PAWR: variants seen among roughly 807,000 people sequenced by gnomAD.
The protein encoded by PAWR is pro-apoptotic WT1 regulator, also known as PRKC apoptosis WT1 regulator protein.
In PAWR, 23 loss-of-function variants were observed where a neutral mutation model predicts 32.0. The ratio of observed to expected loss-of-function variants is 0.72; its 90% confidence interval spans 0.52 to 1.02. The LOEUF is 1.02. Among genes scored for constraint, PAWR ranks in the 50% least tolerant of loss-of-function variants. The pLI is 0.00. For synonymous variants in PAWR, 226 were observed against 187.1 expected (o/e 1.21, Z -1.70); for missense variants, 457 against 437.7 (o/e 1.04, Z -0.39).
At chr12:79,595,790 T>G (rs1438110662) in intron 5 of PAWR, among the ~76,000 whole-genome samples, 1 of 152,084 alleles carries the variant, frequency 6.6e-6, no homozygotes, top group African/African-American at 2.4e-5. Flanking sequence ...AAGTGGAGGT[T>G]GCAGTGAGCC....
At chr12:79,608,520 T>C in intron 4 of PAWR, among the ~76,000 whole-genome samples, 1 of 152,190 alleles carries the variant, frequency 6.6e-6, no homozygotes, top group Non-Finnish European at 1.5e-5. Flanking sequence ...CTGTGTGGAC[T>C]GGCTCCTAAC....
chr12:79,658,951 G>A (rs1474633068), intron 2 of PAWR, among the ~76,000 whole-genome samples: 2 of 148,982 alleles, frequency 1.3e-5, no homozygotes, highest in Non-Finnish European at 3.0e-5. Context: ...ATGAGCCACT[G>A]CTCCTGGCCT....
At chr12:79,668,094 G>C (rs1383965281) in intron 2 of PAWR, 9 of 152,006 alleles carry the variant, frequency 5.9e-5, no homozygotes, top group African/African-American at 2.2e-4. Flanking sequence ...GTAGAGACAG[G>C]GTTTCTCCAT....
chr12:79,679,732 A>G (rs774525571), intron 2 of PAWR, among the ~76,000 whole-genome samples: 17 of 152,240 alleles, frequency 1.1e-4, no homozygotes, highest in Non-Finnish European at 2.4e-4. Flanking sequence ...GTTTTGAGGT[A>G]AAAGCTTTCT....
At chr12:79,636,468 T>C (rs940661227) in intron 2 of PAWR, among the ~76,000 whole-genome samples, 1 of 152,110 alleles carries the variant, frequency 6.6e-6, no homozygotes, top group Admixed American at 6.5e-5. Context: ...TCTAAAACTA[T>C]GCATACTAAC....
chr12:79,686,867 A>C (rs1053283016), intron 2 of PAWR, among the ~76,000 whole-genome samples: 3 of 152,120 alleles, frequency 2.0e-5, no homozygotes, highest in African/African-American at 7.2e-5. Flanking sequence ...TCAGTACTTA[A>C]ATTTTTTCAT....
chr12:79,641,576 C>T (rs528843138), intron 2 of PAWR, among the ~76,000 whole-genome samples: 1 of 152,054 alleles, frequency 6.6e-6, no homozygotes, highest in East Asian at 1.9e-4. Context: ...TGGCCAGGCG[C>T]GGTGGCTCAC....
intron 2 of PAWR, among the ~76,000 whole-genome samples, chr12:79,665,003 T>A (rs746619194): frequency 2.6e-5 from 4 of 152,136 alleles, no homozygotes; most frequent in African/African-American, 7.2e-5. Flanking sequence ...TTTCCAAAAG[T>A]CAACAATAGT....
At chr12:79,622,126 C>CA (rs1050561676) in intron 2 of PAWR, among the ~76,000 whole-genome samples, 184 of 136,932 alleles carry the variant, frequency 1.3e-3, no homozygotes, top group Admixed American at 3.1e-3. Context: ...AGGAATTGGA[C>CA]AAAAAAAAAA....
intron 2 of PAWR, among the ~76,000 whole-genome samples, chr12:79,650,919 T>A (rs1368856374): frequency 1.3e-5 from 2 of 152,206 alleles, no homozygotes; most frequent in African/African-American, 4.8e-5. Context: ...ATATTTCAAA[T>A]GTTCAATTTG....
intron 2 of PAWR, among the ~76,000 whole-genome samples, chr12:79,663,601 A>T (rs111489243): frequency 0.013 from 1,918 of 152,276 alleles, 48 homozygotes; most frequent in African/African-American, 0.043. Flanking sequence ...CTACTAAAAA[A>T]TACAAAAAAT....
intron 2 of PAWR, among the ~76,000 whole-genome samples, chr12:79,633,067 C>T (rs968259614): frequency 6.6e-6 from 1 of 151,842 alleles, no homozygotes; most frequent in South Asian, 2.1e-4. Context: ...GGAGGTTGCA[C>T]TGAGCTGAGA....
chr12:79,590,124 G>A lies in PAWR; in HGVS notation c.*2483C>T, dbSNP rs1219280352. 6.6e-6 allele frequency: 1 copy of A among 151,692 alleles called. No individual in the cohort carries two copies. The highest frequency in any genetic ancestry group is 2.4e-5 in the African/African-American group (1 of 41,270). The allele number at this position is 151,692 out of a possible 1,614,324, so 9.4% of individuals were successfully genotyped here. A position where few individuals can be genotyped will look rare whatever the true frequency, so the allele number is the denominator to read the frequency against. On this transcript the variant is annotated 3_prime_UTR_variant, in exon 7 of 7. Coordinates refer to ENST00000328827, the MANE Select transcript of PAWR (RefSeq NM_002583.4). The stretch of plus-strand genomic sequence containing the variant: ...CTCCTGTCTTTACGCTATCATTAAA[G>A]GCCAAAAAAATCACTGCTAGAAATG...
intron 2 of PAWR, among the ~76,000 whole-genome samples, chr12:79,653,651 G>C (rs1442626341): frequency 6.6e-6 from 1 of 151,896 alleles, no homozygotes; most frequent in African/African-American, 2.4e-5. Flanking sequence ...GGCTAATTTT[G>C]TACTTTTAGT....
At chr12:79,622,302 T>A (rs1425046357) in intron 2 of PAWR, among the ~76,000 whole-genome samples, 2 of 152,040 alleles carry the variant, frequency 1.3e-5, no homozygotes, top group Non-Finnish European at 2.9e-5. Flanking sequence ...TGGAGTGTTT[T>A]TTATTATTTT....
chr12:79,615,278 T>C (rs1479470689), intron 3 of PAWR, among the ~76,000 whole-genome samples: 3 of 152,296 alleles, frequency 2.0e-5, no homozygotes, highest in Non-Finnish European at 2.9e-5. Context: ...CCACCAGCAA[T>C]TCCTTTCTTT....
chr12:79,663,918 TTATAA>T (rs1318823890), intron 2 of PAWR, among the ~76,000 whole-genome samples: 1 of 152,238 alleles, frequency 6.6e-6, no homozygotes, highest in African/African-American at 2.4e-5. Flanking sequence ...GGCTATGTGC[TTATAA>T]TATAATAAAC....
intron 2 of PAWR, among the ~76,000 whole-genome samples, chr12:79,642,112 A>C (rs1876355049): frequency 6.6e-6 from 1 of 152,192 alleles, no homozygotes. Flanking sequence ...CTAGTATATA[A>C]AAAGGGAATA....
chr12:79,656,273 AGCAG>A (rs1877089573), intron 2 of PAWR, among the ~76,000 whole-genome samples: 1 of 152,240 alleles, frequency 6.6e-6, no homozygotes, highest in Non-Finnish European at 1.5e-5. Flanking sequence ...CAGGATAAAG[AGCAG>A]ACTAGAGGCA....
Sources: gnomAD v4.1 joint callset for allele counts (sites outside exome capture counted in the v4.1 genomes callset) on GRCh38, gnomAD v4.1.1 for gene constraint, MANE v1.5 for transcripts, NCBI Gene and HGNC (gene_info 2026-07-23, HGNC 2026-07-21) for gene names.